Variants in PPARG observed in about 807,000 individuals in gnomAD.
The protein encoded by PPARG is peroxisome proliferator activated receptor gamma, also known as peroxisome proliferator-activated receptor gamma.
In PPARG, 17 loss-of-function variants were observed where a neutral mutation model predicts 39.2. That is an observed-to-expected ratio of 0.43 (90% CI 0.30 to 0.65). PPARG has a LOEUF of 0.65. Ranked by LOEUF, PPARG falls within the 30% of genes least tolerant of loss-of-function variation. PPARG has a pLI of 0.13. For synonymous variants in PPARG, 223 were observed against 215.7 expected, an observed-to-expected ratio of 1.03 and a Z score of -0.30; for missense variants, 406 against 585.9, an observed-to-expected ratio of 0.69 and a Z score of 3.17.
At chr3:12,371,940 T>G (rs1396191887) in intron 2 of PPARG, 5 of 714,446 alleles carry the variant, frequency 7.0e-6, no homozygotes, top group African/African-American at 7.0e-5. Flanking sequence ...TGCAGAGTGA[T>G]CTTGATCTGC....
intron 2 of PPARG, among the ~76,000 whole-genome samples, chr3:12,327,123 C>T (rs969785210): frequency 4.6e-5 from 7 of 151,788 alleles, no homozygotes; most frequent in African/African-American, 1.7e-4. Flanking sequence ...TTTAAAATAC[C>T]AGAGGTAGAG....
rs112974421 is a variant in PPARG at position 12,421,405 on chromosome 3, G to A, written c.1180+4251G>A. 1.4e-3 allele frequency among the ~76,000 whole-genome samples: 207 copies of A among 152,260 alleles called. 1 individual carries two copies. Among genetic ancestry groups the A allele is most frequent in the Middle Eastern group, 0.01 (3 of 294 alleles). ...CAGCAAAGCCATGTTTGCAACTGGC[G>A]CCGCAGCATCATGCCAGCCACCCTA... On this transcript the variant is annotated intron_variant, in intron 7 of 7. Coordinates refer to ENST00000651735, the MANE Select transcript of PPARG (RefSeq NM_138711.6).
intron 2 of PPARG, among the ~76,000 whole-genome samples, chr3:12,340,274 C>T (rs910186943): frequency 6.6e-6 from 1 of 152,226 alleles, no homozygotes; most frequent in African/African-American, 2.4e-5. Flanking sequence ...CAATCTGCCT[C>T]CTTCCGTCTT....
At chr3:12,365,219 G>A (rs2048975952) in intron 2 of PPARG, among the ~76,000 whole-genome samples, 1 of 152,230 alleles carries the variant, frequency 6.6e-6, no homozygotes, top group African/African-American at 2.4e-5. Flanking sequence ...CACCTGCTGT[G>A]CAGCCTGATT....
At chr3:12,368,693 G>A (rs2125137889) in intron 2 of PPARG, among the ~76,000 whole-genome samples, 1 of 152,278 alleles carries the variant, frequency 6.6e-6, no homozygotes, top group Non-Finnish European at 1.5e-5. Flanking sequence ...ATAATTGTTA[G>A]CTATTGTTAC....
chr3:12,392,548 G>A (rs1025437726), intron 4 of PPARG, 66 bp from the exon 5 acceptor site: 27 of 1,571,772 alleles, frequency 1.7e-5, no homozygotes, highest in African/African-American at 6.8e-5. Context: ...TATACCTTTC[G>A]CTGTAGGTTG....
rs2051788940 is a variant in PPARG at position 12,434,340 on chromosome 3, T to G, written c.*195T>G. The G allele has an allele frequency of 1.4e-6, 1 of 734,342 alleles. No individual in the cohort carries two copies. The highest frequency in any genetic ancestry group is 1.9e-5 in the South Asian group (1 of 53,604). 45.5% of individuals were successfully genotyped at this position (734,342 alleles called of 1,614,324 possible). A position where few individuals can be genotyped will look rare whatever the true frequency, so the allele number is the denominator to read the frequency against. On this transcript the variant is annotated 3_prime_UTR_variant, in exon 8 of 8. Coordinates refer to ENST00000651735, the MANE Select transcript of PPARG (RefSeq NM_138711.6). The surrounding 1 kb of genome is among the most constrained non-coding windows in gnomAD (Gnocchi z 4.2). ...TTTAATATTAAAAATTACCATATTA[T>G]GAAATTGCTGATAGTATTTGAAGAC...
chr3:12,389,478 A>AAAGCAACTTCT (rs2049993054), intron 4 of PPARG, among the ~76,000 whole-genome samples: 1 of 152,238 alleles, frequency 6.6e-6, no homozygotes, highest in Non-Finnish European at 1.5e-5. Flanking sequence ...ACCAAAGAGA[A>AAAGCAACTTCT]AAGGTAGATC....
At position 12,434,149 on chromosome 3, in the gene PPARG, A is replaced by G; in HGVS notation, c.*4A>G. ...GATCTACAAGGACTTGTACTAGCAG[A>G]GAGTCCTGAGCCACTGCCAACATTT... On this transcript the variant is annotated 3_prime_UTR_variant, in exon 8 of 8. Coordinates refer to ENST00000651735, the MANE Select transcript of PPARG (RefSeq NM_138711.6). This position sits in a 1 kb window ranked among gnomAD's most constrained non-coding sequence, Gnocchi z 4.2. 1.9e-6 allele frequency: 3 copies of G among 1,614,196 alleles called. No individual in the cohort carries two copies. The highest frequency in any genetic ancestry group is 2.7e-5 in the African/African-American group (2 of 75,062).
chr3:12,351,635 GATTCCTTCACTGAT>G, intron 2 of PPARG: 1 of 1,611,860 alleles, frequency 6.2e-7, no homozygotes, highest in Non-Finnish European at 8.5e-7. Flanking sequence ...CCCAGAAAGC[GATTCCTTCACTGAT>G]ACACTGTCTG....
At chr3:12,313,883 T>TAAG in intron 2 of PPARG, among the ~76,000 whole-genome samples, 1 of 152,366 alleles carries the variant, frequency 6.6e-6, no homozygotes, top group Non-Finnish European at 1.5e-5. Context: ...CTCTTTCTTG[T>TAAG]AGAAGACTTT....
In PPARG at chr3:12,372,227, A is replaced by G. The variant is rs188899762; in HGVS notation, c.-8-7477A>G. The G allele has an allele frequency of 8.6e-4, 602 of 703,062 alleles. 2 individuals carry two copies. The African/African-American group carries it at 9.5e-3, about 11-fold the overall frequency. The allele number at this position is 703,062 out of a possible 1,614,324, so 43.6% of individuals were successfully genotyped here. On this transcript the variant is annotated intron_variant, in intron 2 of 7. Transcript: ENST00000651735. ...CCTGCCTGGCACATTATAGGTATTC[A>G]TGAAGATTTGTTGGAACTGTTAAAT...
chr3:12,433,936 AT>A lies in PPARG; in HGVS notation c.1221del (p.Gln408LysfsTer12). The A allele has an allele frequency of 6.2e-7, 1 of 1,614,244 alleles. No homozygotes were observed. The highest frequency in any genetic ancestry group is 8.5e-7 in the Non-Finnish European group (1 of 1,180,030). The stretch of plus-strand genomic sequence containing the variant: ...GCTGAATGTGAAGCCCATTGAAGAC[AT>A]TCAAGACAACCTGCTACAAGCCCTG... ...GLLNVKPIEDIQDNLLQALEL... is the reference protein window; with the variant it reads ...GLLNVKPIEDXQDNLLQALEL... On this transcript the variant is annotated frameshift_variant, in exon 8 of 8. Coordinates refer to ENST00000651735, the MANE Select transcript of PPARG (RefSeq NM_138711.6). LOFTEE classifies it high-confidence loss of function.
chr3:12,417,560 A>T (rs1469555499), intron 7 of PPARG, among the ~76,000 whole-genome samples: 2 of 152,196 alleles, frequency 1.3e-5, no homozygotes, highest in Non-Finnish European at 2.9e-5. Flanking sequence ...AGAAGGGACC[A>T]CTAAGTATTT....
intron 1 of PPARG, among the ~76,000 whole-genome samples, chr3:12,311,152 G>A (rs1423650889): frequency 6.6e-6 from 1 of 152,150 alleles, no homozygotes; most frequent in Non-Finnish European, 1.5e-5. Context: ...TGCCCAGGCT[G>A]GAGTGCAGTG....
intron 2 of PPARG, among the ~76,000 whole-genome samples, chr3:12,313,985 T>C (rs563742974): frequency 6.6e-6 from 1 of 152,200 alleles, no homozygotes; most frequent in East Asian, 1.9e-4. Context: ...ATACTAAAAT[T>C]AGTGAGGTGG....
chr3:12,364,323 G>A lies in PPARG; in HGVS notation c.-8-15381G>A, dbSNP rs555737311. 3.9e-5 allele frequency among the ~76,000 whole-genome samples: 6 copies of A among 152,258 alleles called. No homozygotes were observed. The South Asian group carries it at 1.2e-3, about 32-fold the overall frequency. On this transcript the variant is annotated intron_variant, in intron 2 of 7. Transcript: ENST00000651735. ...AACCATACAGTATGTGGCCTTTTCA[G>A]TTTGACTTCTTTCACTTACCAATAT... is the stretch of plus-strand genomic sequence containing the variant.
chr3:12,287,784 GCGCCGC>G (rs1218481450), upstream of PPARG: 3 of 128,594 alleles, frequency 2.3e-5, no homozygotes, highest in Non-Finnish European at 3.3e-5. Context: ...TCCCAGTCGC[GCGCCGC>G]CGCCCCCGCC....
rs543743536 is a variant in PPARG at position 12,306,201 on chromosome 3, G to A, written c.-82-6179G>A. On this transcript the variant is annotated intron_variant, in intron 1 of 7. Transcript: ENST00000651735. ...GGCATTAGTTAGATTCTCATAAGAA[G>A]CATGCAACATAGATCCCTCACATGC... 3.3e-5 allele frequency among the ~76,000 whole-genome samples: 5 copies of A among 152,296 alleles called. No homozygotes were observed. The South Asian group carries it at 6.2e-4, about 19-fold the overall frequency.
Sources: allele counts gnomAD v4.1 joint callset (sites outside exome capture counted in the v4.1 genomes callset), GRCh38; gene constraint gnomAD v4.1.1; non-coding constraint Gnocchi (gnomAD v3.1); transcripts MANE v1.5; gene names NCBI Gene and HGNC (gene_info 2026-07-23, HGNC 2026-07-21).